SUSD5: variants seen among roughly 807,000 people sequenced by gnomAD.
SUSD5 encodes the protein sushi domain-containing protein 5.
A neutral mutation model predicts 29.5 loss-of-function variants in SUSD5; 33 were observed. The ratio of observed to expected loss-of-function variants is 1.12; its 90% CI spans 0.85 to 1.49. The LOEUF (loss-of-function observed/expected upper bound fraction) is 1.49, where lower values mean the gene tolerates loss of function less well. Ranked by LOEUF, SUSD5 falls within the 40% of genes most tolerant of loss-of-function variation. The pLI, the probability that SUSD5 is intolerant of heterozygous loss-of-function variation, is 0.00. For synonymous variants in SUSD5, 308 were observed against 325.3 expected (o/e 0.95, Z 0.57); for missense variants, 776 against 800.6 (o/e 0.97, Z 0.37).
At chr3:33,155,112 A>G (rs2031020198) in intron 4 of SUSD5, among the ~76,000 whole-genome samples, 1 of 152,256 alleles carries the variant, frequency 6.6e-6, no homozygotes, top group South Asian at 2.1e-4. Flanking sequence ...TCCTCTGTTC[A>G]TTAAAAGCTA....
At chr3:33,205,395 T>A (rs893061695) in intron 3 of SUSD5, among the ~76,000 whole-genome samples, 1 of 152,182 alleles carries the variant, frequency 6.6e-6, no homozygotes, top group Non-Finnish European at 1.5e-5. Flanking sequence ...CAATTTGAGT[T>A]TGGTTAATTT....
At chr3:33,215,747 A>G (rs970547230) in intron 1 of SUSD5, among the ~76,000 whole-genome samples, 2 of 152,218 alleles carry the variant, frequency 1.3e-5, no homozygotes, top group African/African-American at 4.8e-5. Context: ...AAATTACAAA[A>G]TATACTTCTA....
At chr3:33,174,798 A>C in intron 4 of SUSD5, 88 bp downstream of exon 4, 4 of 1,493,186 alleles carry the variant, frequency 2.7e-6, no homozygotes, top group Non-Finnish European at 3.7e-6. Flanking sequence ...TTGGTGGAGA[A>C]GAGCCCACCG....
intron 4 of SUSD5, among the ~76,000 whole-genome samples, chr3:33,154,531 CAAA>C (rs1485392583): frequency 6.6e-6 from 1 of 151,556 alleles, no homozygotes; most frequent in Non-Finnish European, 1.5e-5. Context: ...ACAACAACAA[CAAA>C]AACAACAACT....
At chr3:33,155,290 A>C (rs533816350) in intron 4 of SUSD5, among the ~76,000 whole-genome samples, 6 of 152,266 alleles carry the variant, frequency 3.9e-5, no homozygotes, top group Admixed American at 2.0e-4. Flanking sequence ...GGACATCACC[A>C]GAAAGATATC....
chr3:33,215,193 C>CA (rs949047907), intron 1 of SUSD5, among the ~76,000 whole-genome samples: 8 of 151,762 alleles, frequency 5.3e-5, no homozygotes, highest in African/African-American at 7.3e-5. Flanking sequence ...CAAGGAAAAA[C>CA]AAAAAAATCC....
At chr3:33,174,825 G>T in intron 4 of SUSD5, 61 bp downstream of exon 4, 2 of 1,587,664 alleles carry the variant, frequency 1.3e-6, no homozygotes, top group Non-Finnish European at 8.6e-7. Flanking sequence ...GCCAGCAGCA[G>T]TGGAGCCCTC....
chr3:33,158,295 G>A (rs1239132220), intron 4 of SUSD5, among the ~76,000 whole-genome samples: 1 of 152,118 alleles, frequency 6.6e-6, no homozygotes, highest in African/African-American at 2.4e-5. Context: ...CTGAAAAGAC[G>A]CCATTGTTGA....
At chr3:33,173,544 T>C (rs778240028) in intron 4 of SUSD5, among the ~76,000 whole-genome samples, 6 of 152,218 alleles carry the variant, frequency 3.9e-5, no homozygotes, top group Non-Finnish European at 8.8e-5. Context: ...AAGACTATAG[T>C]AGCAGTGAAA....
chr3:33,197,350 C>T (rs1234721598), intron 3 of SUSD5, among the ~76,000 whole-genome samples: 1 of 152,136 alleles, frequency 6.6e-6, no homozygotes, highest in Non-Finnish European at 1.5e-5. Context: ...TATTGCCTTG[C>T]TGATTAAATG....
intron 3 of SUSD5, among the ~76,000 whole-genome samples, chr3:33,190,714 G>A (rs2031873127): frequency 6.6e-6 from 1 of 152,164 alleles, no homozygotes; most frequent in Non-Finnish European, 1.5e-5. Context: ...GAAGATGCAG[G>A]CAGAGGCTTT....
intron 4 of SUSD5, among the ~76,000 whole-genome samples, chr3:33,174,004 A>C (rs2031491388): frequency 6.6e-6 from 1 of 152,148 alleles, no homozygotes; most frequent in Non-Finnish European, 1.5e-5. Flanking sequence ...GGCTGCAGTA[A>C]CCTGGGACTC....
chr3:33,182,413 T>C (rs1454998803), intron 3 of SUSD5, among the ~76,000 whole-genome samples: 2 of 152,246 alleles, frequency 1.3e-5, no homozygotes, highest in African/African-American at 4.8e-5. Flanking sequence ...TTGGATAAAG[T>C]AGTCTAAATA....
At chr3:33,218,561 C>T in intron 1 of SUSD5, 125 bp downstream of exon 1, 3 of 885,060 alleles carry the variant, frequency 3.4e-6, no homozygotes, top group Admixed American at 4.3e-5. Flanking sequence ...GCGGCTCGTT[C>T]GTTCCTCTCA....
chr3:33,172,583 C>A (rs546724834), intron 4 of SUSD5, among the ~76,000 whole-genome samples: 3 of 152,140 alleles, frequency 2.0e-5, no homozygotes, highest in Admixed American at 2.0e-4. Flanking sequence ...GGTGAATGAT[C>A]AGAATTGGCA....
At chr3:33,161,832 T>C (rs565054395) in intron 4 of SUSD5, among the ~76,000 whole-genome samples, 10 of 152,268 alleles carry the variant, frequency 6.6e-5, no homozygotes, top group East Asian at 5.8e-4. Context: ...CCTCAAAATA[T>C]AGGAATCTAA....
chr3:33,165,908 C>A (rs187402792), intron 4 of SUSD5, among the ~76,000 whole-genome samples: 31 of 151,168 alleles, frequency 2.1e-4, no homozygotes, highest in African/African-American at 6.8e-4. Flanking sequence ...TTCGGGAGCC[C>A]GAGATAGGAG....
At chr3:33,201,396 A>C (rs879349027) in intron 3 of SUSD5, among the ~76,000 whole-genome samples, 3 of 152,214 alleles carry the variant, frequency 2.0e-5, no homozygotes, top group African/African-American at 4.8e-5. Context: ...AGTAGCACAG[A>C]AGTGGAGAAG....
intron 4 of SUSD5, among the ~76,000 whole-genome samples, chr3:33,157,609 C>T (rs963421285): frequency 1.3e-5 from 2 of 152,216 alleles, no homozygotes; most frequent in Non-Finnish European, 2.9e-5. Flanking sequence ...TGACTTTGCA[C>T]CTCTCTTCCT....
Sources: allele counts gnomAD v4.1 joint callset (sites outside exome capture counted in the v4.1 genomes callset), GRCh38; gene constraint gnomAD v4.1.1; transcripts MANE v1.5; gene names NCBI Gene and HGNC (gene_info 2026-07-23, HGNC 2026-07-21).